Variants in LRBA observed in about 807,000 individuals in gnomAD.
The protein encoded by LRBA is LPS responsive beige-like anchor protein.
In LRBA, 176 loss-of-function variants were observed where a neutral mutation model predicts 330.0. That is an observed-to-expected ratio of 0.53 (90% CI 0.47 to 0.60). The LOEUF is 0.60. LRBA is among the 20% of genes least tolerant of loss of function. The pLI, the probability that LRBA is intolerant of heterozygous loss-of-function variation, is 0.00. For missense variants in LRBA, 3,259 were observed against 3,444.8 expected (o/e 0.95, Z 1.35); for synonymous variants, 1,230 against 1,193.0 (o/e 1.03, Z -0.64).
intron 54 of LRBA, 61 bp downstream of exon 54, chr4:150,285,872 T>C (rs1748075209): frequency 9.5e-7 from 1 of 1,056,122 alleles, no homozygotes. Flanking sequence ...TAATCTTTGG[T>C]AATTTGTTTC....
In LRBA at chr4:150,914,345, TA is replaced by T. The variant is rs757951528; in HGVS notation, c.1015-5del. 1.3e-5 allele frequency: 18 copies of T among 1,419,850 alleles called. No homozygotes were observed. Among genetic ancestry groups the T allele is most frequent in the African/African-American group, 1.5e-5 (1 of 65,472 alleles). The allele number at this position is 1,419,850 out of a possible 1,614,324, so 88.0% of individuals were successfully genotyped here. On this transcript the variant is annotated splice_polypyrimidine_tract_variant and splice_region_variant and intron_variant, in intron 8 of 56. Coordinates refer to ENST00000651943, the MANE Select transcript of LRBA (RefSeq NM_001364905.1). ...CCAGGAAACATTTGTCAAAGGTCTG[TA>T]AAAGAAAAAAAAAAAGGAATTAGGA...
chr4:150,970,549 G>C, intron 2 of LRBA: 1 of 41,930 alleles, frequency 2.4e-5, no homozygotes, highest in East Asian at 8.1e-4. Context: ...GTGTGTGTGT[G>C]TGTGTGTACA....
chr4:150,592,811 T>G (rs576176889), intron 38 of LRBA, among the ~76,000 whole-genome samples: 1 of 152,166 alleles, frequency 6.6e-6, no homozygotes, highest in East Asian at 1.9e-4. Context: ...AATTTAACTT[T>G]TTGTAGAGAT....
At chr4:150,416,606 G>A (rs537383895) in intron 46 of LRBA, among the ~76,000 whole-genome samples, 22 of 147,550 alleles carry the variant, frequency 1.5e-4, no homozygotes, top group African/African-American at 5.5e-4. Context: ...CTGACCATTA[G>A]ACTTAAAAAG....
intron 33 of LRBA, among the ~76,000 whole-genome samples, 162 bp downstream of exon 33, chr4:150,806,109 A>G (rs1742755295): frequency 6.6e-6 from 1 of 152,170 alleles, no homozygotes; most frequent in African/African-American, 2.4e-5. Context: ...AGATTACAAC[A>G]TAATAGACAT....
chr4:150,738,989 TA>T (rs1378452772), intron 35 of LRBA, among the ~76,000 whole-genome samples: 6 of 152,170 alleles, frequency 3.9e-5, no homozygotes, highest in Non-Finnish European at 8.8e-5. Context: ...ATCAATTTTT[TA>T]AGGCATATGA....
chr4:150,760,185 C>A (rs13117245), intron 35 of LRBA, among the ~76,000 whole-genome samples: 18 of 151,890 alleles, frequency 1.2e-4, no homozygotes, highest in Non-Finnish European at 2.6e-4. Context: ...TGAAATCAGT[C>A]GAAAGCTATT....
rs1173006854 is a variant in LRBA, at chr4:150,755,677, G to A, written c.5645+6106C>T. Among the ~76,000 whole-genome samples the A allele has an allele frequency of 2.0e-5, 3 of 151,910 alleles. No homozygotes were observed. The East Asian group carries it at 5.8e-4, about 29-fold the overall frequency. ...AAAATTAGCCAATAAAACTATGCCG[G>A]TTTTTTTATTTAAAGTATAAATGAA... On this transcript the variant is annotated intron_variant, in intron 35 of 56. Transcript: ENST00000651943.
At chr4:150,977,187 G>A (rs1432022594) in intron 2 of LRBA, among the ~76,000 whole-genome samples, 1 of 152,204 alleles carries the variant, frequency 6.6e-6, no homozygotes, top group Admixed American at 6.5e-5. Context: ...TGGCAGCGCA[G>A]CTTGCAACAA....
intron 37 of LRBA, among the ~76,000 whole-genome samples, chr4:150,659,092 C>T (rs1475544072): frequency 1.5e-5 from 2 of 137,334 alleles, no homozygotes; most frequent in Non-Finnish European, 3.2e-5. Context: ...AGCCGCCTGC[C>T]TTGGCCTCCC....
chr4:150,583,434 G>T lies in LRBA; in HGVS notation c.6330+4614C>A, dbSNP rs139691325. On this transcript the variant is annotated intron_variant, in intron 40 of 56. Coordinates refer to ENST00000651943, the MANE Select transcript of LRBA (RefSeq NM_001364905.1). This position sits in a 1 kb window ranked among gnomAD's most constrained non-coding sequence, Gnocchi z 9.8. ...AGATCCGCTCGCGTTTCCAGACGCTGGTGGCCCAGGCGGTGGACAAGTGCA... is the reference window on the plus strand; with the variant it reads ...AGATCCGCTCGCGTTTCCAGACGCTTGTGGCCCAGGCGGTGGACAAGTGCA... 3.3e-5 allele frequency: 54 copies of T among 1,613,808 alleles called. No homozygotes were observed. The highest frequency in any genetic ancestry group is 4.2e-5 in the Non-Finnish European group (49 of 1,180,048).
chr4:150,568,088 T>C (rs1334464662), intron 40 of LRBA, among the ~76,000 whole-genome samples: 1 of 152,162 alleles, frequency 6.6e-6, no homozygotes, highest in Non-Finnish European at 1.5e-5. Flanking sequence ...GGAGGACTGC[T>C]TGAGTCCAGG....
intron 42 of LRBA, among the ~76,000 whole-genome samples, chr4:150,477,862 C>T (rs556517738): frequency 1.3e-5 from 2 of 152,118 alleles, no homozygotes; most frequent in East Asian, 3.9e-4. Flanking sequence ...TCCAGCCATG[C>T]TTCCTTATAG....
intron 17 of LRBA, among the ~76,000 whole-genome samples, chr4:150,876,535 C>T (rs1286162959): frequency 1.3e-5 from 2 of 152,146 alleles, no homozygotes; most frequent in Non-Finnish European, 2.9e-5. Flanking sequence ...CCACACAAGC[C>T]AGGAGACATT....
intron 17 of LRBA, among the ~76,000 whole-genome samples, chr4:150,875,261 G>A (rs1753880400): frequency 6.6e-6 from 1 of 152,180 alleles, no homozygotes; most frequent in South Asian, 2.1e-4. Context: ...CAGAAATCCT[G>A]GTGTAGGAGA....
At chr4:150,413,835 A>T (rs1747351967) in intron 47 of LRBA, among the ~76,000 whole-genome samples, 1 of 152,174 alleles carries the variant, frequency 6.6e-6, no homozygotes, top group South Asian at 2.1e-4. Flanking sequence ...TTGTAGTATG[A>T]ATGTAACTTC....
intron 34 of LRBA, among the ~76,000 whole-genome samples, chr4:150,763,395 C>T (rs1422262707): frequency 1.3e-5 from 2 of 151,778 alleles, no homozygotes; most frequent in African/African-American, 2.4e-5. Context: ...TGTAATTGTA[C>T]AATATATACT....
At chr4:150,687,667 TC>T (rs1783746185) in intron 36 of LRBA, among the ~76,000 whole-genome samples, 1 of 152,102 alleles carries the variant, frequency 6.6e-6, no homozygotes, top group Non-Finnish European at 1.5e-5. Flanking sequence ...AGAAATTCAG[TC>T]ACTCACAGTA....
At chr4:150,789,351 A>G (rs1739561662) in intron 34 of LRBA, among the ~76,000 whole-genome samples, 1 of 152,174 alleles carries the variant, frequency 6.6e-6, no homozygotes, top group South Asian at 2.1e-4. Flanking sequence ...CTGAATTTTC[A>G]TATTATAAAA....
Sources: gnomAD v4.1 joint callset for allele counts (sites outside exome capture counted in the v4.1 genomes callset) on GRCh38, gnomAD v4.1.1 for gene constraint, Gnocchi (gnomAD v3.1) non-coding constraint, MANE v1.5 for transcripts, NCBI Gene and HGNC (gene_info 2026-07-23, HGNC 2026-07-21) for gene names.